SGCZ: variants seen among roughly 807,000 people sequenced by gnomAD.
SGCZ encodes zeta-sarcoglycan.
A neutral mutation model predicts 41.3 loss-of-function variants in SGCZ; 40 were observed. That is an observed-to-expected ratio of 0.97 (90% confidence interval 0.75 to 1.26). SGCZ has a LOEUF of 1.26. Among genes scored for constraint, SGCZ ranks in the 50% most tolerant of loss-of-function variants. The pLI is 0.00. For missense variants in SGCZ, 552 were observed against 369.8 expected (o/e 1.49, Z -4.04); for synonymous variants, 206 against 137.5 (o/e 1.50, Z -3.49).
intron 1 of SGCZ, among the ~76,000 whole-genome samples, chr8:15,183,083 C>G (rs268364): frequency 0.47 from 72,038 of 152,054 alleles, 18,393 homozygotes; most frequent in African/African-American, 0.65. Flanking sequence ...AGGCATGGAG[C>G]TGTCATCTCC....
chr8:14,219,188 G>A (rs1290235211), intron 4 of SGCZ, among the ~76,000 whole-genome samples: 1 of 152,154 alleles, frequency 6.6e-6, no homozygotes, highest in Non-Finnish European at 1.5e-5. Flanking sequence ...CCAGCTCAGT[G>A]GATGGACCAA....
At chr8:14,488,208 T>G (rs1364661881) in intron 2 of SGCZ, among the ~76,000 whole-genome samples, 1 of 93,406 alleles carries the variant, frequency 1.1e-5, no homozygotes, top group East Asian at 3.1e-4. Context: ...ACTAGTTTGA[T>G]GATATTATTA....
chr8:14,960,063 A>G (rs1800914861), intron 1 of SGCZ, among the ~76,000 whole-genome samples: 1 of 152,218 alleles, frequency 6.6e-6, no homozygotes, highest in Admixed American at 6.5e-5. Flanking sequence ...AAGAGGTTGC[A>G]CAGATTATAA....
intron 3 of SGCZ, among the ~76,000 whole-genome samples, chr8:14,287,994 T>C (rs2116936180): frequency 6.6e-6 from 1 of 152,264 alleles, no homozygotes; most frequent in South Asian, 2.1e-4. Context: ...TTTTTATTTT[T>C]TTACCTACTA....
At chr8:14,380,147 T>G (rs1397168939) in intron 2 of SGCZ, among the ~76,000 whole-genome samples, 6 of 152,208 alleles carry the variant, frequency 3.9e-5, no homozygotes, top group Non-Finnish European at 1.5e-5. Flanking sequence ...CATGAGAATT[T>G]TCCCCAATTG....
At chr8:14,431,976 C>T (rs1017290003) in intron 2 of SGCZ, among the ~76,000 whole-genome samples, 6 of 151,878 alleles carry the variant, frequency 4.0e-5, no homozygotes, top group African/African-American at 1.2e-4. Flanking sequence ...AACCACAATG[C>T]GATATCACCT....
At chr8:14,686,823 G>C (rs1808626168) in intron 1 of SGCZ, among the ~76,000 whole-genome samples, 1 of 152,078 alleles carries the variant, frequency 6.6e-6, no homozygotes, top group Non-Finnish European at 1.5e-5. Context: ...AAGGGAGAAA[G>C]ATCAGCTAAA....
chr8:14,388,631 G>A (rs951685577), intron 2 of SGCZ, among the ~76,000 whole-genome samples: 1 of 151,876 alleles, frequency 6.6e-6, no homozygotes, highest in African/African-American at 2.4e-5. Context: ...GAAAATAAAA[G>A]CCCTATAGTT....
chr8:14,357,558 A>G (rs1310225173), intron 2 of SGCZ, among the ~76,000 whole-genome samples: 1 of 152,150 alleles, frequency 6.6e-6, no homozygotes, highest in Admixed American at 6.6e-5. Context: ...CAAAATAGGT[A>G]AGACATATGG....
intron 1 of SGCZ, among the ~76,000 whole-genome samples, chr8:14,790,578 A>C (rs1800918695): frequency 6.6e-6 from 1 of 152,212 alleles, no homozygotes; most frequent in South Asian, 2.1e-4. Flanking sequence ...AAGTAACTAC[A>C]TATAAATAAC....
chr8:14,176,875 T>C (rs111628717), intron 4 of SGCZ, among the ~76,000 whole-genome samples: 240 of 152,344 alleles, frequency 1.6e-3, no homozygotes, highest in Middle Eastern at 0.01. Flanking sequence ...AGTGAGGATC[T>C]TGAAAGCTCT....
intron 1 of SGCZ, among the ~76,000 whole-genome samples, chr8:15,157,528 C>T (rs1045289562): frequency 2.0e-5 from 3 of 152,104 alleles, no homozygotes; most frequent in Admixed American, 2.0e-4. Context: ...CATACAAATT[C>T]ACGGATTCAA....
Position 14,999,877 on chromosome 8 carries a change from A to G in SGCZ, c.39+237708T>C, listed in dbSNP as rs540358978. Among the ~76,000 whole-genome samples, 12 of 152,332 alleles carry G rather than the reference A, an allele frequency of 7.9e-5. No homozygotes were observed. In the South Asian group the frequency reaches 2.5e-3, roughly 32 times the overall value. On this transcript the variant is annotated intron_variant, in intron 1 of 7. Transcript: ENST00000382080. ...GCAGGATGAGCATCCTGTTTTAGGA[A>G]GATCACTGGGATAACGTGTGAACAA...
At chr8:14,402,089 T>C (rs1184677067) in intron 2 of SGCZ, among the ~76,000 whole-genome samples, 12 of 152,224 alleles carry the variant, frequency 7.9e-5, no homozygotes, top group Admixed American at 7.9e-4. Flanking sequence ...ATGTCTTCTT[T>C]TGAGAAGTGT....
At chr8:14,692,998 C>G (rs780972595) in intron 1 of SGCZ, among the ~76,000 whole-genome samples, 3 of 152,114 alleles carry the variant, frequency 2.0e-5, no homozygotes, top group Non-Finnish European at 4.4e-5. Context: ...CTCTGTATAA[C>G]TTTAATGGAT....
intron 1 of SGCZ, among the ~76,000 whole-genome samples, chr8:14,623,890 A>G (rs1158304363): frequency 6.6e-6 from 1 of 152,172 alleles, no homozygotes; most frequent in Non-Finnish European, 1.5e-5. Context: ...ACTGTACTCA[A>G]TACCCACTTC....
chr8:14,646,889 T>C (rs888335753), intron 1 of SGCZ, among the ~76,000 whole-genome samples: 2 of 151,934 alleles, frequency 1.3e-5, no homozygotes, highest in Non-Finnish European at 2.9e-5. Context: ...TCATTTGTTA[T>C]GAGAGTATTT....
intron 4 of SGCZ, among the ~76,000 whole-genome samples, chr8:14,188,037 T>C (rs994878487): frequency 6.6e-6 from 1 of 152,082 alleles, no homozygotes; most frequent in South Asian, 2.1e-4. Context: ...GGACAGCATA[T>C]TCAAAGTGTT....
At chr8:14,204,094 G>C (rs1162787110) in intron 4 of SGCZ, among the ~76,000 whole-genome samples, 1 of 152,066 alleles carries the variant, frequency 6.6e-6, no homozygotes, top group African/African-American at 2.4e-5. Flanking sequence ...AAATAACTCA[G>C]TCTCTGAATC....
Sources: allele counts gnomAD v4.1 joint callset (sites outside exome capture counted in the v4.1 genomes callset), GRCh38; gene constraint gnomAD v4.1.1; transcripts MANE v1.5; gene names NCBI Gene and HGNC (gene_info 2026-07-23, HGNC 2026-07-21).